Variants in ALG12 observed in about 807,000 individuals in gnomAD.
ALG12 encodes dol-P-Man:Man(7)GlcNAc(2)-PP-Dol alpha-1,6-mannosyltransferase.
ALG12 carries 36 observed loss-of-function variants against 46.0 expected under a neutral mutation model. The observed-to-expected ratio is 0.78, with a 90% confidence interval of 0.60 to 1.03. The LOEUF (loss-of-function observed/expected upper bound fraction) is 1.03, where lower values mean the gene tolerates loss of function less well. ALG12 is among the 50% of genes least tolerant of loss of function. The probability of loss-of-function intolerance (pLI) is 0.00; values close to 1 mark genes in which losing one functional copy is unlikely to be tolerated. For missense variants in ALG12, 599 were observed against 633.5 expected (o/e 0.95, Z 0.58); for synonymous variants, 326 against 291.6 (o/e 1.12, Z -1.20).
At chr22:49,873,648 A>G in the ALG12 span, among the ~76,000 whole-genome samples, 4 of 152,122 alleles carry the variant, frequency 2.6e-5, no homozygotes, top group Non-Finnish European at 5.9e-5. Flanking sequence ...TGGGGGAAAA[A>G]AAAGTATCTG....
chr22:49,909,202 A>T, intron 6 of ALG12, 42 bp downstream of exon 6: 1 of 1,587,674 alleles, frequency 6.3e-7, no homozygotes. Context: ...ATGTGGCTGC[A>T]GGTCCCACCC....
chr22:49,906,965 G>A lies in ALG12; in HGVS notation c.992+756C>T, dbSNP rs1242989095. Among the ~76,000 whole-genome samples the A allele has an allele frequency of 6.6e-6, 1 of 152,050 alleles. No homozygotes were observed. The highest frequency in any genetic ancestry group is 1.5e-5 in the Non-Finnish European group (1 of 67,978). ...CCACCCCACCCTCAGCCCAGGCAGTGCCCTCCCCAGGCCCTGCCAGGCCCC... is the reference window on the plus strand; with the variant it reads ...CCACCCCACCCTCAGCCCAGGCAGTACCCTCCCCAGGCCCTGCCAGGCCCC... On this transcript the variant is annotated intron_variant, in intron 7 of 9. Coordinates refer to ENST00000330817, the MANE Select transcript of ALG12 (RefSeq NM_024105.4). This position sits in a 1 kb window ranked among gnomAD's most constrained non-coding sequence, Gnocchi z 4.4.
At chr22:49,894,277 GAAGGT>G in the ALG12 span, among the ~76,000 whole-genome samples, 1 of 152,326 alleles carries the variant, frequency 6.6e-6, no homozygotes, top group South Asian at 2.1e-4. Flanking sequence ...TAATCCCAAA[GAAGGT>G]AAGAAAGGAA....
the ALG12 span, chr22:49,884,563 A>C: frequency 1.2e-6 from 2 of 1,613,358 alleles, no homozygotes; most frequent in Non-Finnish European, 1.7e-6. Context: ...GCCACTGGAC[A>C]ACTCCAAAGC....
At chr22:49,908,759 C>T (rs2060558413) in intron 6 of ALG12, among the ~76,000 whole-genome samples, 2 of 147,522 alleles carry the variant, frequency 1.4e-5, no homozygotes, top group Admixed American at 1.3e-4. Flanking sequence ...CAAGATCAGC[C>T]TGACCAACAT....
downstream of ALG12, among the ~76,000 whole-genome samples, chr22:49,897,401 A>G (rs1174042296): frequency 2.0e-5 from 3 of 152,192 alleles, no homozygotes; most frequent in African/African-American, 7.2e-5. Flanking sequence ...CGAAGCTGCC[A>G]AACTGTCTTC....
At chr22:49,908,455 G>C (rs2060556202) in intron 6 of ALG12, among the ~76,000 whole-genome samples, 1 of 138,912 alleles carries the variant, frequency 7.2e-6, no homozygotes, top group Admixed American at 7.0e-5. Flanking sequence ...TTGAACCAGG[G>C]AGTTGGAGGT....
chr22:49,912,431 C>G (rs73891167), intron 3 of ALG12, among the ~76,000 whole-genome samples: 1 of 152,198 alleles, frequency 6.6e-6, no homozygotes, highest in African/African-American at 2.4e-5. Context: ...TGCCTGTGGA[C>G]TTCCTTTCCC....
the ALG12 span, among the ~76,000 whole-genome samples, chr22:49,859,877 A>G: frequency 6.6e-6 from 1 of 151,724 alleles, no homozygotes; most frequent in South Asian, 2.1e-4. Context: ...ACATACAGAA[A>G]TCAGCTGGGC....
intron 5 of ALG12, 142 bp from the exon 6 acceptor site, chr22:49,909,489 C>A: frequency 1.2e-6 from 1 of 857,130 alleles, no homozygotes. Flanking sequence ...TTGCTGGAGC[C>A]TAGGAGTTCA....
chr22:49,884,166 G>A, the ALG12 span: 1 of 1,612,690 alleles, frequency 6.2e-7, no homozygotes. Context: ...ACCCGACCGT[G>A]CTCATTCAGG....
chr22:49,874,777 G>C, the ALG12 span, among the ~76,000 whole-genome samples: 2 of 134,338 alleles, frequency 1.5e-5, no homozygotes, highest in African/African-American at 5.6e-5. Context: ...CTCCCGTCCA[G>C]GTTCAAGCGA....
At chr22:49,884,243 C>T in the ALG12 span, 14 of 1,600,614 alleles carry the variant, frequency 8.7e-6, no homozygotes, top group African/African-American at 4.0e-5. Context: ...CCACAGCCTG[C>T]GGACGCGGGT....
At chr22:49,904,771 G>A (rs1473388627) in intron 7 of ALG12, among the ~76,000 whole-genome samples, 5 of 152,026 alleles carry the variant, frequency 3.3e-5, no homozygotes, top group Admixed American at 1.3e-4. Flanking sequence ...ACAGAGTCTC[G>A]CTGTGTCACC....
rs1039596030 is a variant in ALG12, at chr22:49,901,116, G to A, written c.*2722C>T. On this transcript the variant is annotated 3_prime_UTR_variant, in exon 10 of 10. Transcript: ENST00000330817. ...TGAACACCAGGATAATTAAAGACAG[G>A]AGTGACTCACAGACCACTGAAGTCG... The A allele has an allele frequency of 2.0e-5, 3 of 152,278 alleles. No homozygotes were observed. The highest frequency in any genetic ancestry group is 2.9e-5 in the Non-Finnish European group (2 of 68,054). The allele number at this position is 152,278 out of a possible 1,614,324, so 9.4% of individuals were successfully genotyped here. A position where few individuals can be genotyped will look rare whatever the true frequency, so the allele number is the denominator to read the frequency against.
At chr22:49,895,400 C>A (rs180927348), downstream of ALG12, among the ~76,000 whole-genome samples, 1,674 of 152,206 alleles carry the variant, frequency 0.011, 24 homozygotes, top group African/African-American at 0.037. Context: ...ACCTGGGATC[C>A]CAGCACTTTG....
chr22:49,862,693 CTTTTTTTTTTT>C, the ALG12 span, among the ~76,000 whole-genome samples: 1 of 58,988 alleles, frequency 1.7e-5, no homozygotes, highest in Non-Finnish European at 3.3e-5. Context: ...TAAGTTTTTC[CTTTTTTTTTTT>C]TTTTTTTTTT....
At chr22:49,899,603 C>T (rs550898185), downstream of ALG12, among the ~76,000 whole-genome samples, 1 of 152,158 alleles carries the variant, frequency 6.6e-6, no homozygotes, top group South Asian at 2.1e-4. Context: ...CGTGGCAATA[C>T]CCAATGCAAC....
At chr22:49,895,335 G>A (rs58671506), downstream of ALG12, among the ~76,000 whole-genome samples, 15,325 of 152,078 alleles carry the variant, frequency 0.1, 997 homozygotes, top group South Asian at 0.18. Flanking sequence ...TTGGATTTGT[G>A]ACAGGGAATT....
Sources: gnomAD v4.1 joint callset for allele counts (sites outside exome capture counted in the v4.1 genomes callset) on GRCh38, gnomAD v4.1.1 for gene constraint, Gnocchi (gnomAD v3.1) non-coding constraint, MANE v1.5 for transcripts, NCBI Gene and HGNC (gene_info 2026-07-23, HGNC 2026-07-21) for gene names.